RANBP2: variants seen among roughly 807,000 people sequenced by gnomAD.
RANBP2 encodes E3 SUMO-protein ligase RanBP2.
A neutral mutation model predicts 303.6 loss-of-function variants in RANBP2; 57 were observed. The observed-to-expected ratio is 0.19, with a 90% CI of 0.15 to 0.23. The LOEUF (loss-of-function observed/expected upper bound fraction) is 0.23, where lower values mean the gene tolerates loss of function less well. Ranked by LOEUF, RANBP2 falls within the 10% of genes least tolerant of loss-of-function variation. The pLI is 1.00. For missense variants in RANBP2, 3,138 were observed against 3,780.8 expected, an observed-to-expected ratio of 0.83 and a Z score of 4.46; for synonymous variants, 1,167 against 1,301.5, an observed-to-expected ratio of 0.90 and a Z score of 2.23.
At chr2:109,446,815 G>A in the RANBP2 span, among the ~76,000 whole-genome samples, 3 of 152,052 alleles carry the variant, frequency 2.0e-5, no homozygotes, top group African/African-American at 4.8e-5. Flanking sequence ...GCAGGCGAGG[G>A]GAAGCCGGCC....
the RANBP2 span, among the ~76,000 whole-genome samples, chr2:109,339,291 G>A: frequency 6.6e-6 from 1 of 151,860 alleles, no homozygotes; most frequent in Non-Finnish European, 1.5e-5. Flanking sequence ...GGGGGGGTGG[G>A]GGGTAACATG....
At chr2:109,143,809 TACACAC>T in the RANBP2 span, among the ~76,000 whole-genome samples, 93 of 148,824 alleles carry the variant, frequency 6.2e-4, no homozygotes, top group East Asian at 6.1e-3. Flanking sequence ...CTGTGCTGTA[TACACAC>T]ACACACACAC....
At chr2:109,198,792 C>A in the RANBP2 span, among the ~76,000 whole-genome samples, 1 of 152,218 alleles carries the variant, frequency 6.6e-6, no homozygotes, top group African/African-American at 2.4e-5. Flanking sequence ...GGAAGTACAG[C>A]CTTTGACATA....
At chr2:109,171,117 G>C in the RANBP2 span, among the ~76,000 whole-genome samples, 1 of 152,180 alleles carries the variant, frequency 6.6e-6, no homozygotes, top group African/African-American at 2.4e-5. Context: ...CTCTTCCTCA[G>C]TAATCTGCAG....
the RANBP2 span, among the ~76,000 whole-genome samples, chr2:109,104,584 T>C: frequency 4.6e-5 from 7 of 151,644 alleles, no homozygotes; most frequent in Admixed American, 3.9e-4. Context: ...CCCGGGTTCG[T>C]GCCATTCTCC....
the RANBP2 span, among the ~76,000 whole-genome samples, chr2:108,879,790 G>A: frequency 1.3e-5 from 2 of 152,186 alleles, no homozygotes; most frequent in African/African-American, 4.8e-5. Flanking sequence ...GAGTGAGAGG[G>A]AATTTGCAAT....
the RANBP2 span, among the ~76,000 whole-genome samples, chr2:109,636,918 C>T: frequency 6.6e-6 from 1 of 152,150 alleles, no homozygotes. Flanking sequence ...AGATAAGACA[C>T]AGAGACAAAG....
the RANBP2 span, among the ~76,000 whole-genome samples, chr2:109,051,788 G>A: frequency 7.3e-3 from 1,088 of 148,652 alleles, 7 homozygotes; most frequent in East Asian, 0.034. Context: ...TCGCTCTGTC[G>A]CCCAGGCTGG....
chr2:109,119,244 C>A, the RANBP2 span, among the ~76,000 whole-genome samples: 13 of 152,180 alleles, frequency 8.5e-5, no homozygotes, highest in African/African-American at 2.9e-4. Context: ...AGAATGGACA[C>A]AACTCTTGGC....
chr2:109,073,626 G>A, the RANBP2 span, among the ~76,000 whole-genome samples: 3 of 149,526 alleles, frequency 2.0e-5, no homozygotes, highest in African/African-American at 4.9e-5. Context: ...CTGAGATTGC[G>A]CCACTGCACT....
the RANBP2 span, among the ~76,000 whole-genome samples, chr2:108,800,231 G>T: frequency 6.6e-6 from 1 of 152,040 alleles, no homozygotes; most frequent in Admixed American, 6.6e-5. Flanking sequence ...TGATTTTAAA[G>T]CATTCAGCAA....
At chr2:108,775,988 T>G in intron 24 of RANBP2, 52 bp downstream of exon 24, 1 of 1,471,978 alleles carries the variant, frequency 6.8e-7, no homozygotes, top group Non-Finnish European at 9.3e-7. Flanking sequence ...ACCTTATATT[T>G]GAGAAGATAG....
chr2:109,359,780 G>GA, the RANBP2 span, among the ~76,000 whole-genome samples: 8 of 151,958 alleles, frequency 5.3e-5, no homozygotes, highest in African/African-American at 1.9e-4. Flanking sequence ...ATCCTCAAGG[G>GA]AAAAAAGACC....
At chr2:109,151,161 T>C in the RANBP2 span, among the ~76,000 whole-genome samples, 1 of 152,214 alleles carries the variant, frequency 6.6e-6, no homozygotes, top group Admixed American at 6.5e-5. Flanking sequence ...GGGTTCTTGA[T>C]TCACAAAGTG....
At chr2:109,453,012 T>C in the RANBP2 span, among the ~76,000 whole-genome samples, 1 of 151,712 alleles carries the variant, frequency 6.6e-6, no homozygotes. Flanking sequence ...CCCGGGAAAC[T>C]GGTCCCCGGG....
At chr2:108,998,562 C>T in the RANBP2 span, among the ~76,000 whole-genome samples, 19 of 152,338 alleles carry the variant, frequency 1.2e-4, no homozygotes, top group East Asian at 3.7e-3. Flanking sequence ...TCAGCGTCTT[C>T]TCTCTCACTG....
chr2:109,085,113 C>T, the RANBP2 span, among the ~76,000 whole-genome samples: 1 of 152,120 alleles, frequency 6.6e-6, no homozygotes, highest in Non-Finnish European at 1.5e-5. Flanking sequence ...ATAAGAGACT[C>T]CAGGAAGCCG....
chr2:109,694,016 T>A, the RANBP2 span, among the ~76,000 whole-genome samples: 4,915 of 152,254 alleles, frequency 0.032, 250 homozygotes, highest in African/African-American at 0.11. Context: ...GAGGTATGCC[T>A]GTGTGTGTGC....
the RANBP2 span, among the ~76,000 whole-genome samples, chr2:108,872,926 C>G: frequency 6.6e-6 from 1 of 152,136 alleles, no homozygotes; most frequent in South Asian, 2.1e-4. Context: ...TCCAGAGTCT[C>G]ATCTAAATTA....
Sources: allele counts gnomAD v4.1 joint callset (sites outside exome capture counted in the v4.1 genomes callset), GRCh38; gene constraint gnomAD v4.1.1; transcripts MANE v1.5; gene names NCBI Gene and HGNC (gene_info 2026-07-23, HGNC 2026-07-21).